AVP: variants seen among roughly 807,000 people sequenced by gnomAD.
The protein encoded by AVP is vasopressin-neurophysin 2-copeptin.
In AVP, 9 loss-of-function variants were observed where a neutral mutation model predicts 11.1. That is an observed-to-expected ratio of 0.81 (90% CI 0.49 to 1.42). AVP has a LOEUF of 1.42. Among genes scored for constraint, AVP ranks in the 40% most tolerant of loss-of-function variants. The probability of loss-of-function intolerance (pLI) is 0.00; values close to 1 mark genes in which losing one functional copy is unlikely to be tolerated. For synonymous variants in AVP, 106 were observed against 111.3 expected (o/e 0.95, Z 0.30); for missense variants, 206 against 238.5 (o/e 0.86, Z 0.90).
Position 3,082,762 on chromosome 20 carries a change from G to A in AVP, c.363C>T (p.His121=), listed in dbSNP as rs758387902. Residue 121 remains histidine (H), a synonymous_variant, in exon 3 of 3, where the codon CAC becomes CAT. Transcript: ENST00000380293. The surrounding 1 kb of genome is among the most constrained non-coding windows in gnomAD (Gnocchi z 4.7). ...VTEPECREGF[H]RRARASDRSN... ...TCCGGTCGCTGGCGCGGGCGCGGCG[G>A]TGAAAGCCCTCGCGGCACTCGGGCT... 3.0e-4 allele frequency: 376 copies of A among 1,269,702 alleles called. No individual in the cohort carries two copies. Among genetic ancestry groups the A allele is most frequent in the Non-Finnish European group, 3.0e-4 (306 of 1,010,124 alleles). 78.7% of individuals were successfully genotyped at this position (1,269,702 alleles called of 1,614,324 possible).
chr20:3,084,478 C>T, intron 1 of AVP, 77 bp downstream of exon 1: 1 of 1,606,552 alleles, frequency 6.2e-7, no homozygotes, highest in Non-Finnish European at 8.5e-7. Flanking sequence ...CATGACTTCC[C>T]TCTTTCCTAG....
rs771029378 is a variant in AVP at position 3,084,708 on chromosome 20, C to G, written c.-34G>C. ...ACACAGGTGGACCCCGTATGCAGCA[C>G]TGCTTGGTGGCTCTGTGCTGCTGCC... On this transcript the variant is annotated 5_prime_UTR_variant, in exon 1 of 3. Transcript: ENST00000380293. 3 of 1,611,466 alleles carry G rather than the reference C, an allele frequency of 1.9e-6. No homozygotes were observed. The highest frequency in any genetic ancestry group is 2.5e-6 in the Non-Finnish European group (3 of 1,179,996).
rs1273156260 is a variant in AVP, at chr20:3,082,826, G to C, written c.323-24C>G. 6 of 1,223,676 alleles carry C rather than the reference G, an allele frequency of 4.9e-6. No individual in the cohort carries two copies. Among genetic ancestry groups the C allele is most frequent in the African/African-American group, 4.7e-5 (3 of 63,204 alleles). The allele number at this position is 1,223,676 out of a possible 1,614,324, so 75.8% of individuals were successfully genotyped here. ...CTCTGCCGGGAGGACGTGTGAGCAC[G>C]GGCGCCCTGGGGCGGGCGCAGCTCG... is the stretch of plus-strand genomic sequence containing the variant. On this transcript the variant is annotated intron_variant, in intron 2 of 2. Transcript: ENST00000380293. This position sits in a 1 kb window ranked among gnomAD's most constrained non-coding sequence, Gnocchi z 4.7.
rs2066124575 is a variant in AVP, at chr20:3,083,892, A to C, written c.120+663T>G. Reference sequence around the variant, plus strand: ...AACAGCCGGTTCTCTGGCGCAATGGATAGCGCATTAGACTTTTAGCTGAGC... The same window carrying C: ...AACAGCCGGTTCTCTGGCGCAATGGCTAGCGCATTAGACTTTTAGCTGAGC... On this transcript the variant is annotated intron_variant, in intron 1 of 2. Coordinates refer to ENST00000380293, the MANE Select transcript of AVP (RefSeq NM_000490.5). This position sits in a 1 kb window ranked among gnomAD's most constrained non-coding sequence, Gnocchi z 5.4. Among the ~76,000 whole-genome samples, 1 of 152,234 alleles carries C rather than the reference A, an allele frequency of 6.6e-6. No individual in the cohort carries two copies. The highest frequency in any genetic ancestry group is 1.5e-5 in the Non-Finnish European group (1 of 68,032).
rs1403609910 is a variant in AVP, at chr20:3,082,951, G to A, written c.322+26C>T. 5.3e-6 allele frequency: 3 copies of A among 563,304 alleles called. No homozygotes were observed. Among genetic ancestry groups the A allele is most frequent in the Admixed American group, 1.8e-4 (2 of 11,298 alleles). The allele number at this position is 563,304 out of a possible 1,614,324, so 34.9% of individuals were successfully genotyped here. On this transcript the variant is annotated intron_variant, in intron 2 of 2. Coordinates refer to ENST00000380293, the MANE Select transcript of AVP (RefSeq NM_000490.5). The surrounding 1 kb of genome is among the most constrained non-coding windows in gnomAD (Gnocchi z 4.7). ...ACCCAAGCGGTCTGCGCCCCCCCCAGCCCCAGGCCCGCCCCCGCCGCGCAC... is the reference window on the plus strand; with the variant it reads ...ACCCAAGCGGTCTGCGCCCCCCCCAACCCCAGGCCCGCCCCCGCCGCGCAC...
rs1359907462 is a variant in AVP, at chr20:3,083,777, A to G, written c.121-599T>C. Among the ~76,000 whole-genome samples, 3 of 152,212 alleles carry G rather than the reference A, an allele frequency of 2.0e-5. No homozygotes were observed. Among genetic ancestry groups the G allele is most frequent in the African/African-American group, 7.2e-5 (3 of 41,446 alleles). ...AGGGGCCTGAGACCTAGAGGCGAGC[A>G]CGGACACCCAGGTGCCTCAGGACCC... is the stretch of plus-strand genomic sequence containing the variant. On this transcript the variant is annotated intron_variant, in intron 1 of 2. Transcript: ENST00000380293. This position sits in a 1 kb window ranked among gnomAD's most constrained non-coding sequence, Gnocchi z 5.4.
At position 3,082,877 on chromosome 20, in the gene AVP, T is replaced by C; in HGVS notation, c.323-75A>G. 8.2e-7 allele frequency: 1 copy of C among 1,223,806 alleles called. No homozygotes were observed. The highest frequency in any genetic ancestry group is 1.0e-6 in the Non-Finnish European group (1 of 984,154). 75.8% of individuals were successfully genotyped at this position (1,223,806 alleles called of 1,614,324 possible). On this transcript the variant is annotated intron_variant, in intron 2 of 2. Coordinates refer to ENST00000380293, the MANE Select transcript of AVP (RefSeq NM_000490.5). This position sits in a 1 kb window ranked among gnomAD's most constrained non-coding sequence, Gnocchi z 4.7. Reference sequence around the variant, plus strand: ...GGGTGCGGGGGGCCCACACCCTCCCTGCCGGGCCCGACGCAGCCCCCACCC... The same window carrying C: ...GGGTGCGGGGGGCCCACACCCTCCCCGCCGGGCCCGACGCAGCCCCCACCC...
rs914512433 is a variant in AVP at position 3,082,873 on chromosome 20, T to C, written c.323-71A>G. The stretch of plus-strand genomic sequence containing the variant: ...CTCGGGGTGCGGGGGGCCCACACCC[T>C]CCCTGCCGGGCCCGACGCAGCCCCC... On this transcript the variant is annotated intron_variant, in intron 2 of 2. Coordinates refer to ENST00000380293, the MANE Select transcript of AVP (RefSeq NM_000490.5). The surrounding 1 kb of genome is among the most constrained non-coding windows in gnomAD (Gnocchi z 4.7). 2 of 1,222,054 alleles carry C rather than the reference T, an allele frequency of 1.6e-6. No individual in the cohort carries two copies. Among genetic ancestry groups the C allele is most frequent in the African/African-American group, 3.2e-5 (2 of 62,686 alleles). The allele number at this position is 1,222,054 out of a possible 1,614,324, so 75.7% of individuals were successfully genotyped here.
chr20:3,083,818 G>A lies in AVP; in HGVS notation c.121-640C>T, dbSNP rs184705256. 5.4e-4 allele frequency among the ~76,000 whole-genome samples: 82 copies of A among 152,360 alleles called. No homozygotes were observed. Among genetic ancestry groups the A allele is most frequent in the African/African-American group, 1.9e-3 (81 of 41,586 alleles). ...CTCAGGACCCTAAAGGAGCCTAGCAGGAGGAAGAGAGGCTGCGGGGGTTGC... is the reference window on the plus strand; with the variant it reads ...CTCAGGACCCTAAAGGAGCCTAGCAAGAGGAAGAGAGGCTGCGGGGGTTGC... On this transcript the variant is annotated intron_variant, in intron 1 of 2. Coordinates refer to ENST00000380293, the MANE Select transcript of AVP (RefSeq NM_000490.5). This position sits in a 1 kb window ranked among gnomAD's most constrained non-coding sequence, Gnocchi z 5.4.
At position 3,082,917 on chromosome 20, in the gene AVP, GT is replaced by G. The variant is rs2066117947; in HGVS notation, c.322+59del. ...AGCCCCCACCCCGCCGCAGGCCCGC[GT>G]CCCCCCCACCCAAGCGGTCTGCGCC... On this transcript the variant is annotated intron_variant, in intron 2 of 2. Coordinates refer to ENST00000380293, the MANE Select transcript of AVP (RefSeq NM_000490.5). This position sits in a 1 kb window ranked among gnomAD's most constrained non-coding sequence, Gnocchi z 4.7. 2 of 488,352 alleles carry G rather than the reference GT, an allele frequency of 4.1e-6. No homozygotes were observed. Among genetic ancestry groups the G allele is most frequent in the South Asian group, 7.0e-5 (1 of 14,334 alleles). 30.3% of individuals were successfully genotyped at this position (488,352 alleles called of 1,614,324 possible). A position where few individuals can be genotyped will look rare whatever the true frequency, so the allele number is the denominator to read the frequency against.
rs888325542 is a variant in AVP at position 3,082,946 on chromosome 20, C to CG, written c.322+30_322+31insC. The CG allele has an allele frequency of 3.1e-5, 42 of 1,342,538 alleles. No individual in the cohort carries two copies. The highest frequency in any genetic ancestry group is 3.7e-5 in the Non-Finnish European group (39 of 1,047,732). 83.2% of individuals were successfully genotyped at this position (1,342,538 alleles called of 1,614,324 possible). ...CCCCCACCCAAGCGGTCTGCGCCCCCCCCAGCCCCAGGCCCGCCCCCGCCG... is the reference window on the plus strand; with the variant it reads ...CCCCCACCCAAGCGGTCTGCGCCCCCGCCCAGCCCCAGGCCCGCCCCCGCCG... On this transcript the variant is annotated intron_variant, in intron 2 of 2. Coordinates refer to ENST00000380293, the MANE Select transcript of AVP (RefSeq NM_000490.5). This position sits in a 1 kb window ranked among gnomAD's most constrained non-coding sequence, Gnocchi z 4.7.
rs765910191 is a variant in AVP, at chr20:3,082,665, C to T, written c.460G>A (p.Glu154Lys). The change falls in exon 3 of 3, where the codon GAG (glutamate) becomes AAG (lysine). Residue 154 changes from glutamate to lysine, a missense_variant. Coordinates refer to ENST00000380293, the MANE Select transcript of AVP (RefSeq NM_000490.5). The surrounding 1 kb of genome is among the most constrained non-coding windows in gnomAD (Gnocchi z 4.7). ...TCGGGCTGGGCGGGCTCGAAGGGCT[C>T]GGGCGCCCCGGCCAGCTGCACCAGC... ...LRLVQLAGAP[E>K]PFEPAQPDAY 52 of 1,283,334 alleles carry T rather than the reference C, an allele frequency of 4.1e-5. No homozygotes were observed. Among genetic ancestry groups the T allele is most frequent in the Non-Finnish European group, 4.4e-5 (45 of 1,019,050 alleles). 79.5% of individuals were successfully genotyped at this position (1,283,334 alleles called of 1,614,324 possible).
rs1039821972 is a variant in AVP, at chr20:3,083,329, G to T, written c.121-151C>A. The T allele has an allele frequency of 1.6e-4, 140 of 858,848 alleles. No individual in the cohort carries two copies. Among genetic ancestry groups the T allele is most frequent in the Non-Finnish European group, 2.2e-4 (134 of 612,742 alleles). 53.2% of individuals were successfully genotyped at this position (858,848 alleles called of 1,614,324 possible). A position where few individuals can be genotyped will look rare whatever the true frequency, so the allele number is the denominator to read the frequency against. ...CTGCAGGCACGCTCGGGCGCCACTG[G>T]GCCTCGACCGCGGTCACGGGCGGGG... On this transcript the variant is annotated intron_variant, in intron 1 of 2. Coordinates refer to ENST00000380293, the MANE Select transcript of AVP (RefSeq NM_000490.5). The surrounding 1 kb of genome is among the most constrained non-coding windows in gnomAD (Gnocchi z 5.4).
Position 3,082,921 on chromosome 20 carries a change from C to T in AVP, c.322+56G>A. On this transcript the variant is annotated intron_variant, in intron 2 of 2. Coordinates refer to ENST00000380293, the MANE Select transcript of AVP (RefSeq NM_000490.5). The surrounding 1 kb of genome is among the most constrained non-coding windows in gnomAD (Gnocchi z 4.7). ...CCCACCCCGCCGCAGGCCCGCGTCC[C>T]CCCCACCCAAGCGGTCTGCGCCCCC... 1.0e-6 allele frequency: 1 copy of T among 972,936 alleles called. No individual in the cohort carries two copies. The highest frequency in any genetic ancestry group is 1.3e-6 in the Non-Finnish European group (1 of 763,140). 60.3% of individuals were successfully genotyped at this position (972,936 alleles called of 1,614,324 possible).
rs200398567 is a variant in AVP, at chr20:3,084,678, G to A, written c.-4C>T. On this transcript the variant is annotated 5_prime_UTR_variant, in exon 1 of 3. Coordinates refer to ENST00000380293, the MANE Select transcript of AVP (RefSeq NM_000490.5). ...CGGGCAGCATGGTGTCAGGCATCCT[G>A]GTGCACACAGGTGGACCCCGTATGC... 6 of 1,612,948 alleles carry A rather than the reference G, an allele frequency of 3.7e-6. No homozygotes were observed. Among genetic ancestry groups the A allele is most frequent in the African/African-American group, 1.3e-5 (1 of 75,056 alleles).
In AVP at chr20:3,084,540, C is replaced by T. The variant is rs2066127699; in HGVS notation, c.120+15G>A. 6.2e-7 allele frequency: 1 copy of T among 1,613,644 alleles called. No individual in the cohort carries two copies. Among genetic ancestry groups the T allele is most frequent in the South Asian group, 1.1e-5 (1 of 91,088 alleles). ...CCGCTATGGCAGCCCTGAGATGGCC[C>T]ACAGTGGGAAGTACCTGTCTCAGCT... On this transcript the variant is annotated intron_variant, in intron 1 of 2. Coordinates refer to ENST00000380293, the MANE Select transcript of AVP (RefSeq NM_000490.5).
intron 1 of AVP, among the ~76,000 whole-genome samples, chr20:3,084,049 C>T (rs1002443759): frequency 2.0e-5 from 3 of 152,252 alleles, no homozygotes; most frequent in East Asian, 1.9e-4. Context: ...AGGCCAGGTT[C>T]CCAGCAGAAC....
intron 1 of AVP, 138 bp downstream of exon 1, chr20:3,084,417 G>A (rs2066127142): frequency 1.3e-6 from 2 of 1,482,576 alleles, no homozygotes; most frequent in African/African-American, 2.7e-5. Context: ...GCCCAGCCAT[G>A]CCATGCCTCC....
Position 3,082,914 on chromosome 20 carries a change from CG to C in AVP, c.322+62del. On this transcript the variant is annotated intron_variant, in intron 2 of 2. Transcript: ENST00000380293. This position sits in a 1 kb window ranked among gnomAD's most constrained non-coding sequence, Gnocchi z 4.7. The stretch of plus-strand genomic sequence containing the variant: ...CGCAGCCCCCACCCCGCCGCAGGCC[CG>C]CGTCCCCCCCACCCAAGCGGTCTGC... The C allele has an allele frequency of 1.2e-6, 1 of 810,462 alleles. No individual in the cohort carries two copies. The highest frequency in any genetic ancestry group is 1.6e-6 in the Non-Finnish European group (1 of 625,834). 50.2% of individuals were successfully genotyped at this position (810,462 alleles called of 1,614,324 possible).
Sources: allele counts gnomAD v4.1 joint callset (sites outside exome capture counted in the v4.1 genomes callset), GRCh38; gene constraint gnomAD v4.1.1; non-coding constraint Gnocchi (gnomAD v3.1); transcripts MANE v1.5; gene names NCBI Gene and HGNC (gene_info 2026-07-23, HGNC 2026-07-21).